The following DPP10 variants were observed in gnomAD, a reference collection of about 807,000 sequenced individuals.
DPP10 encodes the protein inactive dipeptidyl peptidase 10.
A neutral mutation model predicts 120.9 loss-of-function variants in DPP10; 33 were observed. The observed-to-expected ratio is 0.27, with a 90% CI of 0.21 to 0.37. The LOEUF is 0.37. Ranked by LOEUF, DPP10 falls within the 10% of genes least tolerant of loss-of-function variation. The pLI, the probability that DPP10 is intolerant of heterozygous loss-of-function variation, is 1.00. For synonymous variants in DPP10, 337 were observed against 326.1 expected (o/e 1.03, Z -0.36); for missense variants, 816 against 942.8 (o/e 0.87, Z 1.76).
chr2:114,547,889 A>G (rs1687546496), intron 1 of DPP10, among the ~76,000 whole-genome samples: 1 of 152,112 alleles, frequency 6.6e-6, no homozygotes, highest in South Asian at 2.1e-4. Context: ...CCACACTTTG[A>G]CCCAGCAGGG....
chr2:115,064,348 G>A (rs919064085), intron 1 of DPP10, among the ~76,000 whole-genome samples: 1 of 152,172 alleles, frequency 6.6e-6, no homozygotes, highest in Non-Finnish European at 1.5e-5. Context: ...GCAAAGCAGG[G>A]AAGAAGGGAG....
intron 1 of DPP10, among the ~76,000 whole-genome samples, chr2:115,184,678 G>A (rs2105173115): frequency 6.6e-6 from 1 of 152,318 alleles, no homozygotes; most frequent in Admixed American, 6.5e-5. Flanking sequence ...AAAAGCAGCT[G>A]TTTATCTCTT....
chr2:115,317,178 C>G (rs2061836891), intron 2 of DPP10, among the ~76,000 whole-genome samples: 1 of 152,030 alleles, frequency 6.6e-6, no homozygotes, highest in Admixed American at 6.6e-5. Context: ...TCATATCCCA[C>G]CTCAGTTGCT....
intron 1 of DPP10, among the ~76,000 whole-genome samples, chr2:114,622,179 A>G (rs931660087): frequency 6.6e-6 from 1 of 152,028 alleles, no homozygotes; most frequent in Non-Finnish European, 1.5e-5. Flanking sequence ...ACTAGCTTTT[A>G]TTGAATGCTC....
chr2:115,476,488 G>C (rs1376070647), intron 3 of DPP10, among the ~76,000 whole-genome samples: 1 of 152,134 alleles, frequency 6.6e-6, no homozygotes, highest in Non-Finnish European at 1.5e-5. Flanking sequence ...AGCAGTACAA[G>C]AACAAGCAAA....
chr2:115,003,788 T>C, intron 1 of DPP10, among the ~76,000 whole-genome samples: 1 of 152,160 alleles, frequency 6.6e-6, no homozygotes, highest in Admixed American at 6.5e-5. Context: ...GCTTAAATTG[T>C]AAAAGCAATC....
intron 1 of DPP10, among the ~76,000 whole-genome samples, chr2:115,038,596 C>T (rs1385797875): frequency 6.6e-6 from 1 of 152,022 alleles, no homozygotes; most frequent in Non-Finnish European, 1.5e-5. Context: ...ATTTATTAGG[C>T]TTCTTCTTTG....
intron 1 of DPP10, among the ~76,000 whole-genome samples, chr2:114,931,529 G>T (rs9679309): frequency 0.016 from 2,501 of 152,174 alleles, 82 homozygotes; most frequent in African/African-American, 0.056. Context: ...TGGGGTGTCC[G>T]CCCCAATGAC....
intron 2 of DPP10, among the ~76,000 whole-genome samples, chr2:115,324,198 C>T (rs2062217357): frequency 6.6e-6 from 1 of 152,114 alleles, no homozygotes; most frequent in Non-Finnish European, 1.5e-5. Flanking sequence ...ATCACTTGAA[C>T]CCAGGAGGTG....
At chr2:115,692,795 A>G (rs1474682105) in intron 7 of DPP10, among the ~76,000 whole-genome samples, 1 of 152,160 alleles carries the variant, frequency 6.6e-6, no homozygotes, top group Non-Finnish European at 1.5e-5. Context: ...TTTTCATAAT[A>G]AGATGCACAT....
intron 3 of DPP10, among the ~76,000 whole-genome samples, chr2:115,386,483 A>T (rs963862232): frequency 6.6e-6 from 1 of 152,206 alleles, no homozygotes; most frequent in African/African-American, 2.4e-5. Flanking sequence ...TTGTGTAGGG[A>T]AATGACAAGA....
At chr2:114,516,588 A>G (rs955142619) in intron 1 of DPP10, among the ~76,000 whole-genome samples, 32 of 152,220 alleles carry the variant, frequency 2.1e-4, no homozygotes, top group Admixed American at 1.7e-3. Flanking sequence ...GTATTAGACT[A>G]TTATATCAGT....
Position 115,294,395 on chromosome 2 carries a change from T to C in DPP10, c.61-14844T>C, listed in dbSNP as rs957778955. ...CTGAGCAAAAGAAATGAGATTCAGC[T>C]CACGTACACAAGTAGGTAAATTTTT... On this transcript the variant is annotated intron_variant, in intron 1 of 25. Transcript: ENST00000410059. Among the ~76,000 whole-genome samples the C allele has an allele frequency of 8.5e-5, 13 of 152,150 alleles. No individual in the cohort carries two copies. In the East Asian group the frequency reaches 2.5e-3, roughly 29 times the overall value.
At chr2:115,309,194 C>T (rs764708143) in intron 1 of DPP10, 45 bp from the exon 2 acceptor site, 2 of 1,470,636 alleles carry the variant, frequency 1.4e-6, no homozygotes, top group African/African-American at 1.4e-5. Flanking sequence ...ATACATTTCT[C>T]TTGGAGCATG....
chr2:115,021,329 G>A (rs1703059348), intron 1 of DPP10, among the ~76,000 whole-genome samples: 1 of 151,984 alleles, frequency 6.6e-6, no homozygotes, highest in Non-Finnish European at 1.5e-5. Context: ...AAAATGAAAT[G>A]GGAGATATTA....
chr2:114,512,224 A>G (rs1684205325), intron 1 of DPP10, among the ~76,000 whole-genome samples: 1 of 152,224 alleles, frequency 6.6e-6, no homozygotes, highest in Non-Finnish European at 1.5e-5. Context: ...TGTTAGTTAT[A>G]TAACCAGGGG....
chr2:115,496,341 G>T (rs1483715388), intron 3 of DPP10, among the ~76,000 whole-genome samples: 3 of 152,052 alleles, frequency 2.0e-5, no homozygotes, highest in Non-Finnish European at 4.4e-5. Context: ...AGTAAAATTT[G>T]CAGGAGTGTA....
chr2:115,306,431 C>T (rs34195762), intron 1 of DPP10, among the ~76,000 whole-genome samples: 4,146 of 152,134 alleles, frequency 0.027, 72 homozygotes, highest in South Asian at 0.059. Context: ...GATTCTTTCT[C>T]AAAAGCAGAT....
chr2:115,291,610 C>A (rs2060657590), intron 1 of DPP10, among the ~76,000 whole-genome samples: 1 of 151,920 alleles, frequency 6.6e-6, no homozygotes, highest in Non-Finnish European at 1.5e-5. Flanking sequence ...ACATTTTTTT[C>A]ATCACTACCT....
Sources: allele counts gnomAD v4.1 joint callset (sites outside exome capture counted in the v4.1 genomes callset), GRCh38; gene constraint gnomAD v4.1.1; transcripts MANE v1.5; gene names NCBI Gene and HGNC (gene_info 2026-07-23, HGNC 2026-07-21).